Variants in C1orf21 observed in about 807,000 individuals in gnomAD.
C1orf21 encodes the protein chromosome 1 open reading frame 21, also known as uncharacterized protein C1orf21.
A neutral mutation model predicts 18.7 loss-of-function variants in C1orf21; 3 were observed. That is an observed-to-expected ratio of 0.16 (90% confidence interval 0.07 to 0.42). C1orf21 has a LOEUF of 0.42. Ranked by LOEUF, C1orf21 falls within the 10% of genes least tolerant of loss-of-function variation. The pLI is 0.99. For missense variants in C1orf21, 104 were observed against 143.6 expected (o/e 0.72, Z 1.41); for synonymous variants, 41 against 46.4 (o/e 0.88, Z 0.47).
At chr1:184,595,263 T>C (rs933014008) in intron 4 of C1orf21, among the ~76,000 whole-genome samples, 1 of 152,214 alleles carries the variant, frequency 6.6e-6, no homozygotes, top group Non-Finnish European at 1.5e-5. Flanking sequence ...TTATTCATCC[T>C]TTATGAACTT....
At chr1:184,553,865 G>T (rs1270182431) in intron 3 of C1orf21, among the ~76,000 whole-genome samples, 1 of 152,188 alleles carries the variant, frequency 6.6e-6, no homozygotes, top group African/African-American at 2.4e-5. Context: ...GTTGTTATTT[G>T]TTCAGAAAGA....
At chr1:184,505,342 C>CT (rs1658043429) in intron 2 of C1orf21, among the ~76,000 whole-genome samples, 1 of 85,772 alleles carries the variant, frequency 1.2e-5, no homozygotes, top group Non-Finnish European at 2.1e-5. Context: ...TATATATATA[C>CT]ACACATGCCA....
At chr1:184,591,622 C>T (rs766563266) in intron 4 of C1orf21, among the ~76,000 whole-genome samples, 4 of 151,796 alleles carry the variant, frequency 2.6e-5, no homozygotes, top group South Asian at 2.1e-4. Flanking sequence ...CTGGCTAACA[C>T]GATGAAACCC....
intron 1 of C1orf21, among the ~76,000 whole-genome samples, chr1:184,476,067 A>G (rs1657566669): frequency 6.6e-6 from 1 of 152,138 alleles, no homozygotes; most frequent in Non-Finnish European, 1.5e-5. Context: ...CTTTTTATCT[A>G]AGTTCATTTA....
intron 2 of C1orf21, among the ~76,000 whole-genome samples, chr1:184,492,913 G>A (rs1285271959): frequency 6.6e-6 from 1 of 152,222 alleles, no homozygotes; most frequent in Non-Finnish European, 1.5e-5. Flanking sequence ...TTCCCAGGTT[G>A]CTGATTTTCT....
intron 3 of C1orf21, among the ~76,000 whole-genome samples, chr1:184,570,001 C>T (rs763276703): frequency 5.9e-5 from 9 of 152,128 alleles, no homozygotes; most frequent in East Asian, 1.9e-4. Flanking sequence ...CTGCAGTTTC[C>T]TCTTGATAAT....
intron 1 of C1orf21, among the ~76,000 whole-genome samples, chr1:184,389,683 C>A (rs1000969225): frequency 1.3e-5 from 2 of 152,194 alleles, no homozygotes; most frequent in Non-Finnish European, 2.9e-5. Flanking sequence ...GCCTTTGTGA[C>A]CAGGCAAGCT....
At chr1:184,591,762 C>T (rs758477979) in intron 4 of C1orf21, among the ~76,000 whole-genome samples, 15 of 151,004 alleles carry the variant, frequency 9.9e-5, no homozygotes, top group Non-Finnish European at 1.8e-4. Flanking sequence ...GCAGAGATGG[C>T]GCCACTGCAC....
chr1:184,519,537 C>T (rs1487374001), intron 3 of C1orf21, among the ~76,000 whole-genome samples: 3 of 152,060 alleles, frequency 2.0e-5, no homozygotes, highest in East Asian at 3.9e-4. Flanking sequence ...ACACCTGAGT[C>T]GGGGGAAATG....
intron 2 of C1orf21, among the ~76,000 whole-genome samples, chr1:184,486,423 G>A (rs972592993): frequency 4.6e-5 from 7 of 152,140 alleles, no homozygotes; most frequent in African/African-American, 1.7e-4. Flanking sequence ...TCCACCACTT[G>A]GAGTTCTGAG....
At chr1:184,405,744 T>C (rs1477514822) in intron 1 of C1orf21, among the ~76,000 whole-genome samples, 1 of 152,208 alleles carries the variant, frequency 6.6e-6, no homozygotes, top group Non-Finnish European at 1.5e-5. Context: ...CTCTTTAGAT[T>C]GGTGCTCCTC....
chr1:184,511,707 G>A (rs1361849356), intron 3 of C1orf21, among the ~76,000 whole-genome samples: 1 of 152,134 alleles, frequency 6.6e-6, no homozygotes, highest in Non-Finnish European at 1.5e-5. Context: ...TAAAGCAAGA[G>A]GTTTAACTGA....
chr1:184,401,231 A>G (rs1656146364), intron 1 of C1orf21, among the ~76,000 whole-genome samples: 1 of 150,708 alleles, frequency 6.6e-6, no homozygotes, highest in Non-Finnish European at 1.5e-5. Flanking sequence ...ACTTATTTTT[A>G]TTTTTTGAGA....
rs1329233304 is a variant in C1orf21, at chr1:184,622,425, T to G, written c.*2869T>G. 6.6e-6 allele frequency: 1 copy of G among 152,548 alleles called. No homozygotes were observed. The highest frequency in any genetic ancestry group is 1.5e-5 in the Non-Finnish European group (1 of 68,040). The allele number at this position is 152,548 out of a possible 1,614,324, so 9.4% of individuals were successfully genotyped here. A position where few individuals can be genotyped will look rare whatever the true frequency, so the allele number is the denominator to read the frequency against. On this transcript the variant is annotated 3_prime_UTR_variant, in exon 6 of 6. Coordinates refer to ENST00000235307, the MANE Select transcript of C1orf21 (RefSeq NM_030806.4). ...GCCTTATGTCCTCTGAGTTGTAGAG[T>G]TGTAAAAGTTCAGCAGTGTGTGCAC...
intron 1 of C1orf21, among the ~76,000 whole-genome samples, chr1:184,448,794 G>A (rs538182656): frequency 3.6e-4 from 55 of 152,164 alleles, no homozygotes; most frequent in Admixed American, 8.5e-4. Context: ...CAGGGGCAGT[G>A]AGAGAGTTTT....
intron 1 of C1orf21, among the ~76,000 whole-genome samples, chr1:184,464,777 G>T (rs1331448360): frequency 6.6e-6 from 1 of 152,156 alleles, no homozygotes; most frequent in Non-Finnish European, 1.5e-5. Flanking sequence ...TGAGGAAGAG[G>T]GGTGGTTTTC....
chr1:184,480,837 G>A lies in C1orf21; in HGVS notation c.94+3234G>A, dbSNP rs894582143. On this transcript the variant is annotated intron_variant, in intron 2 of 5. Transcript: ENST00000235307. ...GAGCAGTTGGGGGTCTGCGTGACTCGCTTTCGTGCTTAATCTACTGGTGGT... is the reference window on the plus strand; with the variant it reads ...GAGCAGTTGGGGGTCTGCGTGACTCACTTTCGTGCTTAATCTACTGGTGGT... Among the ~76,000 whole-genome samples the A allele has an allele frequency of 5.9e-4, 90 of 152,106 alleles. 1 individual carries two copies. The highest frequency in any genetic ancestry group is 2.0e-4 in the Admixed American group (3 of 15,236).
At chr1:184,400,951 T>C (rs1484185557) in intron 1 of C1orf21, among the ~76,000 whole-genome samples, 1 of 152,206 alleles carries the variant, frequency 6.6e-6, no homozygotes, top group Non-Finnish European at 1.5e-5. Context: ...CTACATTATT[T>C]TGCATTCCCA....
At chr1:184,420,401 A>C (rs1656528317) in intron 1 of C1orf21, among the ~76,000 whole-genome samples, 1 of 152,066 alleles carries the variant, frequency 6.6e-6, no homozygotes, top group Non-Finnish European at 1.5e-5. Context: ...ATTAGACTTA[A>C]ATTTTCTAGT....
Sources: allele counts gnomAD v4.1 joint callset (sites outside exome capture counted in the v4.1 genomes callset), GRCh38; gene constraint gnomAD v4.1.1; transcripts MANE v1.5; gene names NCBI Gene and HGNC (gene_info 2026-07-23, HGNC 2026-07-21).